Variants in DENND1A observed in about 807,000 individuals in gnomAD.
DENND1A encodes the protein DENN domain-containing protein 1A.
Under a neutral mutation model 113.7 loss-of-function variants are expected in DENND1A, and 51 were observed. The observed-to-expected ratio is 0.45, with a 90% confidence interval of 0.36 to 0.57. The LOEUF is 0.57. Ranked by LOEUF, DENND1A falls within the 20% of genes least tolerant of loss-of-function variation. The pLI is 0.00. For synonymous variants in DENND1A, 565 were observed against 570.8 expected (o/e 0.99, Z 0.14); for missense variants, 1,258 against 1,395.9 (o/e 0.90, Z 1.57).
chr9:123,671,190 G>A lies in DENND1A; in HGVS notation c.453+101C>T. On this transcript the variant is annotated intron_variant, in intron 7 of 23. Transcript: ENST00000394215. The stretch of plus-strand genomic sequence containing the variant: ...CAGAGTATTTGGGGGTAGGGTTAGG[G>A]GAGGTATGGCTGACAAAATACAATC... 3.7e-6 allele frequency: 5 copies of A among 1,355,588 alleles called. No individual in the cohort carries two copies. In the South Asian group the frequency reaches 5.9e-5, roughly 16 times the overall value. The allele number at this position is 1,355,588 out of a possible 1,614,324, so 84.0% of individuals were successfully genotyped here. A position where few individuals can be genotyped will look rare whatever the true frequency, so the allele number is the denominator to read the frequency against.
chr9:123,716,623 C>A (rs1342946138), intron 5 of DENND1A, among the ~76,000 whole-genome samples: 1 of 152,142 alleles, frequency 6.6e-6, no homozygotes, highest in African/African-American at 2.4e-5. Context: ...AATATCAAAT[C>A]GGATCATGGT....
chr9:123,909,895 C>T (rs925825859), intron 1 of DENND1A, among the ~76,000 whole-genome samples: 3 of 151,774 alleles, frequency 2.0e-5, no homozygotes, highest in African/African-American at 7.3e-5. Flanking sequence ...CTAGTAAAAA[C>T]TAGAAAATGA....
Position 123,422,033 on chromosome 9 carries a change from T to C in DENND1A, c.1489-10204A>G, listed in dbSNP as rs138973755. ...CTGCATCCCTCACGACTCTGTTCCC[T>C]TCCCCCAGAAGTTCTCTCTCTATTC... is the stretch of plus-strand genomic sequence containing the variant. On this transcript the variant is annotated intron_variant, in intron 19 of 23. Transcript: ENST00000394215. The surrounding 1 kb of genome is among the most constrained non-coding windows in gnomAD (Gnocchi z 4.8). Among the ~76,000 whole-genome samples, 1 of 152,300 alleles carries C rather than the reference T, an allele frequency of 6.6e-6. No individual in the cohort carries two copies. Among genetic ancestry groups the C allele is most frequent in the East Asian group, 1.9e-4 (1 of 5,188 alleles).
Position 123,538,813 on chromosome 9 carries a change from T to C in DENND1A, c.993+18757A>G, listed in dbSNP as rs1264248959. Reference sequence around the variant, plus strand: ...ATCCAAAGGTGACAACTCATACATATATATATATATATATATATATATATA... The same window carrying C: ...ATCCAAAGGTGACAACTCATACATACATATATATATATATATATATATATA... On this transcript the variant is annotated intron_variant, in intron 13 of 23. Transcript: ENST00000394215. Among the ~76,000 whole-genome samples the C allele has an allele frequency of 3.0e-3, 66 of 22,270 alleles. No homozygotes were observed. The South Asian group carries it at 0.041, about 14-fold the overall frequency. The allele number at this position is 22,270 out of a possible 152,430, so 14.6% of individuals were successfully genotyped here.
intron 1 of DENND1A, among the ~76,000 whole-genome samples, chr9:123,904,063 C>T (rs540917485): frequency 1.3e-5 from 2 of 152,180 alleles, no homozygotes; most frequent in Admixed American, 1.3e-4. Context: ...GTTCCCTGAC[C>T]CCTGACCCCC....
chr9:123,614,496 C>T (rs989155196), intron 10 of DENND1A, among the ~76,000 whole-genome samples: 2 of 152,130 alleles, frequency 1.3e-5, no homozygotes, highest in Admixed American at 6.5e-5. Context: ...AATTCCTTTC[C>T]CCCAGATAAC....
intron 13 of DENND1A, among the ~76,000 whole-genome samples, chr9:123,555,079 T>G (rs1430896391): frequency 1.3e-5 from 2 of 152,228 alleles, no homozygotes; most frequent in East Asian, 3.8e-4. Flanking sequence ...CATCCTCTCC[T>G]AGGCTCCAAA....
At chr9:123,725,025 T>C (rs1191439096) in intron 5 of DENND1A, among the ~76,000 whole-genome samples, 1 of 152,238 alleles carries the variant, frequency 6.6e-6, no homozygotes, top group Non-Finnish European at 1.5e-5. Context: ...CAAAAGCAAC[T>C]CTTACTCATT....
chr9:123,414,028 C>G, intron 19 of DENND1A: 2 of 991,314 alleles, frequency 2.0e-6, no homozygotes, highest in Non-Finnish European at 2.4e-6. Flanking sequence ...ACTGTCTTCA[C>G]TGCTTGTCAC....
At chr9:123,648,785 G>A (rs2062478658) in intron 9 of DENND1A, among the ~76,000 whole-genome samples, 1 of 151,952 alleles carries the variant, frequency 6.6e-6, no homozygotes, top group African/African-American at 2.4e-5. Context: ...TTAAGTTCTT[G>A]ATCCATTTGG....
intron 12 of DENND1A, among the ~76,000 whole-genome samples, chr9:123,576,397 G>GATTTCCCT (rs1312499903): frequency 1.3e-5 from 2 of 152,098 alleles, no homozygotes; most frequent in African/African-American, 2.4e-5. Context: ...TTACAATTCA[G>GATTTCCCT]ATTTCCCTAT....
intron 4 of DENND1A, among the ~76,000 whole-genome samples, chr9:123,766,523 G>T (rs147236786): frequency 3.8e-4 from 58 of 152,278 alleles, no homozygotes; most frequent in African/African-American, 1.2e-3. Flanking sequence ...GACTAGAATC[G>T]ATAAGGAAAT....
intron 1 of DENND1A, among the ~76,000 whole-genome samples, chr9:123,903,355 A>AAAAAC: frequency 6.7e-6 from 1 of 150,234 alleles, no homozygotes; most frequent in African/African-American, 2.4e-5. Flanking sequence ...AAAAAAAAAA[A>AAAAAC]AAACTGGAAA....
intron 15 of DENND1A, among the ~76,000 whole-genome samples, chr9:123,456,358 T>C (rs530483429): frequency 1.0e-4 from 15 of 144,634 alleles, no homozygotes; most frequent in Non-Finnish European, 2.0e-4. Flanking sequence ...ACTGAGGCGA[T>C]GGGATTTGGA....
intron 5 of DENND1A, among the ~76,000 whole-genome samples, chr9:123,690,127 G>GA (rs1375221181): frequency 1.1e-5 from 1 of 89,750 alleles, no homozygotes; most frequent in Non-Finnish European, 2.3e-5. Flanking sequence ...AGGAGGGAGG[G>GA]GGGAAGAAGG....
chr9:123,435,954 C>A (rs922683097), intron 19 of DENND1A, among the ~76,000 whole-genome samples: 3 of 152,232 alleles, frequency 2.0e-5, no homozygotes, highest in Non-Finnish European at 2.9e-5. Flanking sequence ...GCATCTATGG[C>A]TCACCCATCT....
At chr9:123,803,985 T>C (rs1835122849) in intron 2 of DENND1A, among the ~76,000 whole-genome samples, 1 of 152,224 alleles carries the variant, frequency 6.6e-6, no homozygotes, top group African/African-American at 2.4e-5. Context: ...ACAAGCACAA[T>C]TTCACACCCA....
At chr9:123,621,772 T>C (rs780101039) in intron 10 of DENND1A, among the ~76,000 whole-genome samples, 3 of 152,226 alleles carry the variant, frequency 2.0e-5, no homozygotes, top group Admixed American at 1.3e-4. Context: ...TAATCTAGCA[T>C]TGATCTATTT....
At chr9:123,529,239 T>A (rs747591045) in intron 13 of DENND1A, among the ~76,000 whole-genome samples, 1 of 152,158 alleles carries the variant, frequency 6.6e-6, no homozygotes, top group Non-Finnish European at 1.5e-5. Context: ...TACTGAACTA[T>A]TTGAGACAAG....
Sources: allele counts gnomAD v4.1 joint callset (sites outside exome capture counted in the v4.1 genomes callset), GRCh38; gene constraint gnomAD v4.1.1; non-coding constraint Gnocchi (gnomAD v3.1); transcripts MANE v1.5; gene names NCBI Gene and HGNC (gene_info 2026-07-23, HGNC 2026-07-21).